Variants in SNX30 observed in about 807,000 individuals in gnomAD.
The protein encoded by SNX30 is sorting nexin-30.
SNX30 carries 24 observed loss-of-function variants against 46.4 expected under a neutral mutation model. That is an observed-to-expected ratio of 0.52 (90% CI 0.37 to 0.73). The LOEUF (loss-of-function observed/expected upper bound fraction) is 0.73. SNX30 is among the 30% of genes least tolerant of loss of function. The pLI is 0.00. For missense variants in SNX30, 533 were observed against 555.7 expected (o/e 0.96, Z 0.41); for synonymous variants, 189 against 211.5 (o/e 0.89, Z 0.92).
intron 1 of SNX30, among the ~76,000 whole-genome samples, chr9:112,762,713 C>A (rs1276827649): frequency 1.3e-5 from 2 of 152,170 alleles, no homozygotes; most frequent in Non-Finnish European, 2.9e-5. Flanking sequence ...AGCATTTAAT[C>A]GCCCATAGTT....
At chr9:112,859,822 T>C (rs1841199695) in intron 7 of SNX30, among the ~76,000 whole-genome samples, 1 of 152,072 alleles carries the variant, frequency 6.6e-6, no homozygotes, top group African/African-American at 2.4e-5. Context: ...TCTGTTTTTG[T>C]TATTTTTTTT....
chr9:112,876,235 G>C (rs556538557), downstream of SNX30, among the ~76,000 whole-genome samples: 3 of 152,294 alleles, frequency 2.0e-5, no homozygotes, highest in East Asian at 1.9e-4. Flanking sequence ...AGATTCTTGG[G>C]GGGAGGAGAA....
chr9:112,765,559 C>T (rs1376277446), intron 1 of SNX30, among the ~76,000 whole-genome samples: 3 of 152,132 alleles, frequency 2.0e-5, no homozygotes, highest in Non-Finnish European at 4.4e-5. Flanking sequence ...TGTGGCCTTT[C>T]GTGCCTGGCT....
chr9:112,836,967 C>T (rs751564501), intron 5 of SNX30, among the ~76,000 whole-genome samples: 5 of 152,182 alleles, frequency 3.3e-5, no homozygotes, highest in South Asian at 2.1e-4. Context: ...CCACCCCTCT[C>T]GGGGCCACCT....
At chr9:112,797,893 T>TC (rs397935790) in intron 1 of SNX30, among the ~76,000 whole-genome samples, 14 of 143,978 alleles carry the variant, frequency 9.7e-5, no homozygotes, top group Admixed American at 4.2e-4. Flanking sequence ...TTTTTTTTTT[T>TC]AGTAGAGACG....
chr9:112,784,940 T>A (rs1179641688), intron 1 of SNX30, among the ~76,000 whole-genome samples: 3 of 152,194 alleles, frequency 2.0e-5, no homozygotes, highest in Non-Finnish European at 4.4e-5. Context: ...CACCTAGCAG[T>A]CCATGGGAAC....
intron 3 of SNX30, 33 bp from the exon 4 acceptor site, chr9:112,830,692 A>T: frequency 6.3e-7 from 1 of 1,591,884 alleles, no homozygotes; most frequent in Non-Finnish European, 8.5e-7. Context: ...CATCTCATCA[A>T]TTACTCTGGT....
chr9:112,759,674 A>G (rs1839407260), intron 1 of SNX30, among the ~76,000 whole-genome samples: 1 of 151,470 alleles, frequency 6.6e-6, no homozygotes, highest in Admixed American at 6.6e-5. Context: ...GGTTGCAGTG[A>G]GCTGAGATTG....
At chr9:112,819,266 C>CTTTTTTTTTTTTTTTTTTTTTTT (rs35138610) in intron 3 of SNX30, among the ~76,000 whole-genome samples, 40 of 116,964 alleles carry the variant, frequency 3.4e-4, no homozygotes, top group South Asian at 5.5e-4. Context: ...TTCTTTCTTT[C>CTTTTTTTTTTTTTTTTTTTTTTT]TTTTTTTTTT....
At chr9:112,847,939 T>C (rs1840964623) in intron 6 of SNX30, among the ~76,000 whole-genome samples, 2 of 152,216 alleles carry the variant, frequency 1.3e-5, no homozygotes, top group African/African-American at 4.8e-5. Context: ...TTGCTTCTTG[T>C]CTGCCTCTCC....
At chr9:112,856,062 G>A (rs1018464087) in intron 7 of SNX30, among the ~76,000 whole-genome samples, 3 of 152,270 alleles carry the variant, frequency 2.0e-5, no homozygotes, top group Middle Eastern at 6.8e-3. Flanking sequence ...ACTCTTTTCA[G>A]TGCTAATACA....
At chr9:112,804,228 A>C (rs1840185552) in intron 1 of SNX30, among the ~76,000 whole-genome samples, 1 of 151,822 alleles carries the variant, frequency 6.6e-6, no homozygotes, top group South Asian at 2.1e-4. Context: ...GCAATGGCGC[A>C]GTCTCGGCTC....
rs56856142 is a variant in SNX30, at chr9:112,817,401, C to CTTTTTTTTTTTTTTTTTTTTTTTTTTTT, written c.349-301_349-274dup. On this transcript the variant is annotated intron_variant, in intron 2 of 8. Transcript: ENST00000374232. ...CGGTAGGGAAAAAAAAAAAAACTGG[C>CTTTTTTTTTTTTTTTTTTTTTTTTTTTT]TTTTTTTTTTTTTTTTTTTTTTTTT... 2.3e-4 allele frequency among the ~76,000 whole-genome samples: 11 copies of CTTTTTTTTTTTTTTTTTTTTTTTTTTTT among 46,836 alleles called. 2 individuals are homozygous for CTTTTTTTTTTTTTTTTTTTTTTTTTTTT. Among genetic ancestry groups the CTTTTTTTTTTTTTTTTTTTTTTTTTTTT allele is most frequent in the East Asian group, 2.6e-3 (2 of 772 alleles). 30.7% of individuals were successfully genotyped at this position (46,836 alleles called of 152,430 possible).
At chr9:112,859,368 C>CTG (rs1386547161) in intron 7 of SNX30, among the ~76,000 whole-genome samples, 1 of 152,154 alleles carries the variant, frequency 6.6e-6, no homozygotes, top group Non-Finnish European at 1.5e-5. Flanking sequence ...CAGTGGACAT[C>CTG]TGTGTTGCTT....
chr9:112,817,208 A>G (rs1291868051), intron 2 of SNX30, among the ~76,000 whole-genome samples: 1 of 152,012 alleles, frequency 6.6e-6, no homozygotes, highest in Non-Finnish European at 1.5e-5. Flanking sequence ...AAAACTTGTC[A>G]GCATATTTAG....
At chr9:112,823,161 C>A (rs1346786906) in intron 3 of SNX30, among the ~76,000 whole-genome samples, 1 of 152,098 alleles carries the variant, frequency 6.6e-6, no homozygotes, top group African/African-American at 2.4e-5. Flanking sequence ...CACAGTGACA[C>A]CTTGTTTCTA....
At chr9:112,809,164 G>A (rs1840277679) in intron 2 of SNX30, among the ~76,000 whole-genome samples, 1 of 151,506 alleles carries the variant, frequency 6.6e-6, no homozygotes, top group Admixed American at 6.6e-5. Context: ...TCAGCTCACT[G>A]CGGCCTCCGC....
chr9:112,865,877 C>T (rs1841333686), intron 8 of SNX30, among the ~76,000 whole-genome samples: 1 of 151,560 alleles, frequency 6.6e-6, no homozygotes, highest in African/African-American at 2.4e-5. Flanking sequence ...CTGTAACTCC[C>T]ACACCTTCCC....
At chr9:112,858,177 C>T (rs1363523766) in intron 7 of SNX30, among the ~76,000 whole-genome samples, 1 of 152,212 alleles carries the variant, frequency 6.6e-6, no homozygotes, top group African/African-American at 2.4e-5. Context: ...CATGGTAGCA[C>T]AACCGTAACA....
Sources: allele counts gnomAD v4.1 joint callset (sites outside exome capture counted in the v4.1 genomes callset), GRCh38; gene constraint gnomAD v4.1.1; transcripts MANE v1.5; gene names NCBI Gene and HGNC (gene_info 2026-07-23, HGNC 2026-07-21).